PCDHGA2: variants seen among roughly 807,000 people sequenced by gnomAD.
The protein encoded by PCDHGA2 is protocadherin gamma subfamily A, 2.
In PCDHGA2, 40 loss-of-function variants were observed where a neutral mutation model predicts 59.2. That is an observed-to-expected ratio of 0.68 (90% CI 0.52 to 0.88). PCDHGA2 has a LOEUF of 0.88. Ranked by LOEUF, PCDHGA2 falls within the 40% of genes least tolerant of loss-of-function variation. The pLI is 0.00. For missense variants in PCDHGA2, 1,226 were observed against 1,204.0 expected (o/e 1.02, Z -0.27); for synonymous variants, 560 against 526.0 (o/e 1.06, Z -0.89).
chr5:141,341,541 AG>A, intron 1 of PCDHGA2, 146 bp downstream of exon 1: 1 of 1,464,776 alleles, frequency 6.8e-7, no homozygotes, highest in Non-Finnish European at 9.1e-7. Flanking sequence ...ATTTCTTGGT[AG>A]GTCTTAGTGT....
At chr5:141,504,017 T>G (rs1186684262) in intron 2 of PCDHGA2, among the ~76,000 whole-genome samples, 1 of 152,150 alleles carries the variant, frequency 6.6e-6, no homozygotes, top group Non-Finnish European at 1.5e-5. Context: ...TCTCTGCTGG[T>G]CTCTTCCCAC....
intron 1 of PCDHGA2, chr5:141,361,290 A>G: frequency 6.2e-7 from 1 of 1,614,038 alleles, no homozygotes; most frequent in East Asian, 2.2e-5. Flanking sequence ...TTTACTGCCA[A>G]GTGTTGGGAA....
intron 1 of PCDHGA2, among the ~76,000 whole-genome samples, chr5:141,488,511 G>A (rs2099676160): frequency 6.6e-6 from 1 of 152,162 alleles, no homozygotes. Context: ...CCACATTTGG[G>A]GTCTGGGGTG....
chr5:141,362,255 T>C, intron 1 of PCDHGA2: 5 of 1,614,020 alleles, frequency 3.1e-6, no homozygotes, highest in Non-Finnish European at 4.2e-6. Flanking sequence ...TTCCTCGCGG[T>C]GATTCTGGCA....
chr5:141,495,973 A>T, intron 2 of PCDHGA2, among the ~76,000 whole-genome samples: 1 of 146,986 alleles, frequency 6.8e-6, no homozygotes, highest in Admixed American at 6.8e-5. Flanking sequence ...TTTCTCTGTT[A>T]CTCTTTCTTT....
At chr5:141,350,570 G>A in intron 1 of PCDHGA2, 1 of 1,614,054 alleles carries the variant, frequency 6.2e-7, no homozygotes, top group Non-Finnish European at 8.5e-7. Flanking sequence ...ACTAGAATTC[G>A]AAACGGTCGC....
intron 1 of PCDHGA2, chr5:141,399,718 C>T (rs770212703): frequency 6.2e-7 from 1 of 1,613,306 alleles, no homozygotes; most frequent in Non-Finnish European, 8.5e-7. Context: ...ACTACAGGCC[C>T]GCGACCAGGG....
chr5:141,381,625 G>C (rs1460922523), intron 1 of PCDHGA2, among the ~76,000 whole-genome samples: 1 of 152,172 alleles, frequency 6.6e-6, no homozygotes, highest in Non-Finnish European at 1.5e-5. Context: ...TAGGATCTCT[G>C]CAGATTTCTG....
chr5:141,399,071 T>C (rs2093748237), intron 1 of PCDHGA2: 1 of 1,613,808 alleles, frequency 6.2e-7, no homozygotes. Flanking sequence ...TCAATGGTTG[T>C]AGAAGGGAGG....
chr5:141,355,969 G>A (rs1359465657), intron 1 of PCDHGA2: 6 of 1,613,732 alleles, frequency 3.7e-6, no homozygotes, highest in Middle Eastern at 3.3e-4. Context: ...GAACGTTCCT[G>A]TAGGCACTCG....
At position 141,359,043 on chromosome 5, in the gene PCDHGA2, T is replaced by C. The variant is rs1437297032; in HGVS notation, c.2424+17648T>C. Among the ~76,000 whole-genome samples, 8 of 152,376 alleles carry C rather than the reference T, an allele frequency of 5.3e-5. No individual in the cohort carries two copies. In the East Asian group the frequency reaches 9.6e-4, roughly 18 times the overall value. On this transcript the variant is annotated intron_variant, in intron 1 of 3. Transcript: ENST00000394576. The stretch of plus-strand genomic sequence containing the variant: ...ATAACTGGAAGTTGTAGTGATAGAC[T>C]GTGGAATATGCCTCAATTTGACTTA...
chr5:141,485,676 G>A lies in PCDHGA2; in HGVS notation c.2425-9131G>A. The A allele has an allele frequency of 6.2e-7, 1 of 1,612,928 alleles. No individual in the cohort carries two copies. The highest frequency in any genetic ancestry group is 2.2e-5 in the East Asian group (1 of 44,848). On this transcript the variant is annotated intron_variant, in intron 1 of 3. Coordinates refer to ENST00000394576, the MANE Select transcript of PCDHGA2 (RefSeq NM_018915.4). This position sits in a 1 kb window ranked among gnomAD's most constrained non-coding sequence, Gnocchi z 5.7. ...GCAGATGTGGGGAGCAATTCGATTA[G>A]CAGCTATAGGCTGAGCTCCAATGAA...
Position 141,370,856 on chromosome 5 carries a change from G to A in PCDHGA2, c.2424+29461G>A, listed in dbSNP as rs752174657. On this transcript the variant is annotated intron_variant, in intron 1 of 3. Coordinates refer to ENST00000394576, the MANE Select transcript of PCDHGA2 (RefSeq NM_018915.4). ...CTCTCACTGGAGCCACATTTGCCCT[G>A]GAATCTGCGCAAGATCCTGATGTAG... The A allele has an allele frequency of 1.9e-6, 3 of 1,613,928 alleles. No homozygotes were observed. The East Asian group carries it at 6.7e-5, about 36-fold the overall frequency.
chr5:141,400,452 A>C, intron 1 of PCDHGA2: 3 of 1,614,038 alleles, frequency 1.9e-6, no homozygotes, highest in Non-Finnish European at 2.5e-6. Context: ...GACAAGACAT[A>C]CTTTGTGGTG....
At chr5:141,455,860 ATTATTTAT>A (rs145569377) in intron 1 of PCDHGA2, among the ~76,000 whole-genome samples, 26,605 of 139,696 alleles carry the variant, frequency 0.19, 2,610 homozygotes, top group Middle Eastern at 0.23. Context: ...AATTTCTTTT[ATTATTTAT>A]TTATTTATTT....
intron 1 of PCDHGA2, chr5:141,378,561 A>C (rs1775013664): frequency 6.6e-6 from 1 of 152,238 alleles, no homozygotes. Context: ...AAGAGTGAAC[A>C]TGAATTTTAA....
In PCDHGA2 at chr5:141,491,410, G is replaced by T. The variant is rs777207581; in HGVS notation, c.2425-3397G>T. On this transcript the variant is annotated intron_variant, in intron 1 of 3. Transcript: ENST00000394576. The surrounding 1 kb of genome is among the most constrained non-coding windows in gnomAD (Gnocchi z 6.9). ...GTGCCTTCAGGGAAACGCAGACGGG[G>T]ACGGGGGTGGAGGGCAGTGCTGCAG... 28 of 1,614,142 alleles carry T rather than the reference G, an allele frequency of 1.7e-5. No individual in the cohort carries two copies. The highest frequency in any genetic ancestry group is 2.4e-5 in the Non-Finnish European group (28 of 1,180,034).
At chr5:141,400,015 G>T (rs747874428) in intron 1 of PCDHGA2, 6 of 1,612,768 alleles carry the variant, frequency 3.7e-6, no homozygotes, top group Non-Finnish European at 4.2e-6. Flanking sequence ...TGCCTTGGGC[G>T]ACAGGGACGC....
chr5:141,375,015 A>C, intron 1 of PCDHGA2: 2 of 1,613,916 alleles, frequency 1.2e-6, no homozygotes. Context: ...GACTATGAGG[A>C]CTCGAGTTTT....
Sources: gnomAD v4.1 joint callset for allele counts (sites outside exome capture counted in the v4.1 genomes callset) on GRCh38, gnomAD v4.1.1 for gene constraint, Gnocchi (gnomAD v3.1) non-coding constraint, MANE v1.5 for transcripts, NCBI Gene and HGNC (gene_info 2026-07-23, HGNC 2026-07-21) for gene names.